ST7: variants seen among roughly 807,000 people sequenced by gnomAD.
ST7 encodes suppression of tumorigenicity 7, also known as suppressor of tumorigenicity 7 protein.
A neutral mutation model predicts 78.7 loss-of-function variants in ST7; 28 were observed. The observed-to-expected ratio is 0.36, with a 90% confidence interval of 0.26 to 0.49. ST7 has a LOEUF of 0.49. Among genes scored for constraint, ST7 ranks in the 20% least tolerant of loss-of-function variants. The probability of loss-of-function intolerance (pLI) is 0.99; values close to 1 mark genes in which losing one functional copy is unlikely to be tolerated. For missense variants in ST7, 418 were observed against 696.0 expected, an observed-to-expected ratio of 0.60 and a Z score of 4.49; for synonymous variants, 247 against 249.6, an observed-to-expected ratio of 0.99 and a Z score of 0.10.
chr7:117,198,231 C>G, intron 12 of ST7: 1 of 396,150 alleles, frequency 2.5e-6, no homozygotes, highest in Non-Finnish European at 5.1e-6. Context: ...GAAATTACAT[C>G]GTGTAATTCA....
At chr7:117,213,453 G>A (rs545866640) in intron 13 of ST7, among the ~76,000 whole-genome samples, 1 of 152,038 alleles carries the variant, frequency 6.6e-6, no homozygotes, top group African/African-American at 2.4e-5. Flanking sequence ...GGGAGTAGGG[G>A]TGGAGGTGTA....
chr7:117,161,118 G>A (rs1393910727), intron 9 of ST7, among the ~76,000 whole-genome samples: 1 of 147,406 alleles, frequency 6.8e-6, no homozygotes, highest in African/African-American at 2.5e-5. Context: ...TTTTTTAAAT[G>A]CCAACACCAC....
chr7:117,003,835 G>GT (rs1795045159), intron 1 of ST7, among the ~76,000 whole-genome samples: 1 of 152,214 alleles, frequency 6.6e-6, no homozygotes, highest in Non-Finnish European at 1.5e-5. Context: ...TGAATGAGTT[G>GT]TCTGTAGGCT....
chr7:117,177,955 T>C (rs189828274), intron 10 of ST7, among the ~76,000 whole-genome samples: 1 of 152,218 alleles, frequency 6.6e-6, no homozygotes, highest in East Asian at 1.9e-4. Flanking sequence ...CACAAACAGG[T>C]TACGAAGGAG....
At chr7:117,026,100 T>C (rs898535867) in intron 1 of ST7, among the ~76,000 whole-genome samples, 1 of 152,214 alleles carries the variant, frequency 6.6e-6, no homozygotes, top group African/African-American at 2.4e-5. Flanking sequence ...TGGGGAAAAT[T>C]ACCATATATG....
rs571057527 is a variant in ST7, at chr7:117,222,281, C to G, written c.1638+219C>G. Among the ~76,000 whole-genome samples the G allele has an allele frequency of 7.9e-5, 12 of 152,292 alleles. No homozygotes were observed. The South Asian group carries it at 2.5e-3, about 32-fold the overall frequency. ...CTGCATGCCTTGCCTCATTTCACAA[C>G]AAATTCTTAGCAGTTTCCAAAAAAT... On this transcript the variant is annotated intron_variant, in intron 15 of 15. Coordinates refer to ENST00000323984, the MANE Select transcript of ST7 (RefSeq NM_001369598.1).
chr7:116,958,784 A>T (rs1792664887), intron 1 of ST7: 1 of 422,046 alleles, frequency 2.4e-6, no homozygotes, highest in Non-Finnish European at 4.7e-6. Flanking sequence ...TATCTAAAAG[A>T]CCAATGTATA....
chr7:117,136,687 C>T (rs1007073371), intron 8 of ST7: 2 of 175,014 alleles, frequency 1.1e-5, no homozygotes, highest in African/African-American at 4.7e-5. Flanking sequence ...GTGATTGTAT[C>T]AGCATTTATC....
chr7:117,196,943 C>T (rs1006051076), intron 12 of ST7, among the ~76,000 whole-genome samples: 7 of 151,986 alleles, frequency 4.6e-5, no homozygotes, highest in Non-Finnish European at 8.8e-5. Flanking sequence ...ATTTTTAATG[C>T]ATTTTGAGTT....
intron 1 of ST7, among the ~76,000 whole-genome samples, chr7:116,976,836 T>C (rs1329622049): frequency 6.6e-6 from 1 of 152,256 alleles, no homozygotes; most frequent in African/African-American, 2.4e-5. Context: ...CTCAACATCT[T>C]CACTAGTCTT....
intron 12 of ST7, among the ~76,000 whole-genome samples, chr7:117,192,959 A>T (rs1212639099): frequency 1.3e-5 from 2 of 152,172 alleles, no homozygotes; most frequent in African/African-American, 4.8e-5. Context: ...CTACCTGGGT[A>T]AACTGACTCT....
chr7:116,976,126 G>A (rs1445205121), intron 1 of ST7, among the ~76,000 whole-genome samples: 3 of 151,992 alleles, frequency 2.0e-5, no homozygotes, highest in Admixed American at 6.6e-5. Context: ...TTAGCTGGGC[G>A]TGGTGGCAGG....
intron 9 of ST7, among the ~76,000 whole-genome samples, chr7:117,153,088 G>T (rs1043460583): frequency 1.3e-5 from 2 of 152,148 alleles, no homozygotes; most frequent in African/African-American, 2.4e-5. Context: ...GTAAGTTTTT[G>T]CTTGCTTTTA....
intron 1 of ST7, chr7:117,073,001 A>C (rs1799077543): frequency 6.6e-6 from 1 of 152,236 alleles, no homozygotes; most frequent in Non-Finnish European, 1.5e-5. Flanking sequence ...AGCAAGGAGC[A>C]AGCGCTTGCA....
At chr7:116,968,201 C>CT (rs1024000896) in intron 1 of ST7, among the ~76,000 whole-genome samples, 1 of 151,758 alleles carries the variant, frequency 6.6e-6, no homozygotes, top group African/African-American at 2.4e-5. Context: ...CTAATATTCA[C>CT]TTTTTTTGTT....
rs577725310 is a variant in ST7 at position 116,994,387 on chromosome 7, G to A, written c.151+40696G>A. Among the ~76,000 whole-genome samples, 5 of 152,294 alleles carry A rather than the reference G, an allele frequency of 3.3e-5. No homozygotes were observed. The East Asian group carries it at 9.6e-4, about 29-fold the overall frequency. Reference sequence around the variant, plus strand: ...ATAAATAAAAAATACTTCACTCTCTGAGATTCAAAGACATCTTTCCAAAAG... The same window carrying A: ...ATAAATAAAAAATACTTCACTCTCTAAGATTCAAAGACATCTTTCCAAAAG... On this transcript the variant is annotated intron_variant, in intron 1 of 15. Coordinates refer to ENST00000323984, the MANE Select transcript of ST7 (RefSeq NM_001369598.1).
At position 117,089,494 on chromosome 7, in the gene ST7, C is replaced by CA. The variant is rs930283853; in HGVS notation, c.152-10259dup. ...GAAGAAGACTTAAAACAAAACAAAA[C>CA]AAAAAAAAACCTGTGCGGGATTACT... On this transcript the variant is annotated intron_variant, in intron 1 of 15. Coordinates refer to ENST00000323984, the MANE Select transcript of ST7 (RefSeq NM_001369598.1). Among the ~76,000 whole-genome samples the CA allele has an allele frequency of 2.0e-3, 294 of 148,476 alleles. 3 individuals are homozygous for CA. The highest frequency in any genetic ancestry group is 6.3e-3 in the African/African-American group (254 of 40,578).
intron 1 of ST7, among the ~76,000 whole-genome samples, chr7:117,023,490 A>G (rs1405931251): frequency 6.6e-6 from 1 of 152,146 alleles, no homozygotes; most frequent in East Asian, 1.9e-4. Context: ...TTTTGGGCTC[A>G]CTTTGAAATG....
intron 1 of ST7, among the ~76,000 whole-genome samples, chr7:117,021,097 G>T (rs1361324855): frequency 6.6e-6 from 1 of 152,028 alleles, no homozygotes; most frequent in Non-Finnish European, 1.5e-5. Flanking sequence ...ATTATAGGTA[G>T]ATTCAGAATG....
Sources: allele counts gnomAD v4.1 joint callset (sites outside exome capture counted in the v4.1 genomes callset), GRCh38; gene constraint gnomAD v4.1.1; transcripts MANE v1.5; gene names NCBI Gene and HGNC (gene_info 2026-07-23, HGNC 2026-07-21).